MGRN1: variants seen among roughly 807,000 people sequenced by gnomAD.
The protein encoded by MGRN1 is E3 ubiquitin-protein ligase MGRN1.
A neutral mutation model predicts 69.2 loss-of-function variants in MGRN1; 29 were observed. The ratio of observed to expected loss-of-function variants is 0.42; its 90% CI spans 0.31 to 0.57. The LOEUF is 0.57. Ranked by LOEUF, MGRN1 falls within the 20% of genes least tolerant of loss-of-function variation. The probability of loss-of-function intolerance (pLI) is 0.15; values close to 1 mark genes in which losing one functional copy is unlikely to be tolerated. For synonymous variants in MGRN1, 470 were observed against 344.2 expected, an observed-to-expected ratio of 1.37 and a Z score of -4.04; for missense variants, 998 against 796.2, an observed-to-expected ratio of 1.25 and a Z score of -3.05.
chr16:4,645,024 TAAAG>T (rs2078244109), intron 1 of MGRN1, among the ~76,000 whole-genome samples: 1 of 152,078 alleles, frequency 6.6e-6, no homozygotes, highest in African/African-American at 2.4e-5. Flanking sequence ...TTTAAAAAGA[TAAAG>T]GAAAAAATTA....
intron 4 of MGRN1, among the ~76,000 whole-genome samples, chr16:4,656,155 C>T (rs940438095): frequency 1.1e-4 from 16 of 152,236 alleles, no homozygotes; most frequent in African/African-American, 3.4e-4. Flanking sequence ...AATTGGGTTC[C>T]TGCATGGAGT....
chr16:4,643,798 C>T (rs564690449), intron 1 of MGRN1, among the ~76,000 whole-genome samples: 12 of 152,070 alleles, frequency 7.9e-5, no homozygotes, highest in East Asian at 1.9e-4. Context: ...ATTACTAATA[C>T]CCAATTGATC....
At chr16:4,654,010 C>G (rs191313280) in intron 4 of MGRN1, among the ~76,000 whole-genome samples, 31 of 152,314 alleles carry the variant, frequency 2.0e-4, no homozygotes, top group African/African-American at 7.2e-4. Flanking sequence ...CCTCGGCCTC[C>G]CAAAGTGCTG....
At chr16:4,648,284 G>A (rs1045247248) in intron 1 of MGRN1, among the ~76,000 whole-genome samples, 1 of 150,340 alleles carries the variant, frequency 6.7e-6, no homozygotes, top group African/African-American at 2.5e-5. Flanking sequence ...CTCTTCCCGT[G>A]GTCACCCGGC....
chr16:4,686,619 C>T, intron 16 of MGRN1: 2 of 1,179,808 alleles, frequency 1.7e-6, no homozygotes, highest in Non-Finnish European at 2.1e-6. Flanking sequence ...ACAGACACAG[C>T]CCAGGTGCGC....
intron 16 of MGRN1, among the ~76,000 whole-genome samples, chr16:4,684,145 C>T (rs550495131): frequency 2.6e-4 from 39 of 152,384 alleles, no homozygotes; most frequent in African/African-American, 8.4e-4. Flanking sequence ...GGGCCTGGCT[C>T]TTGGGAGCGG....
In MGRN1 at chr16:4,669,431, C is replaced by CAAAAAAAAAA. The variant is rs58001283; in HGVS notation, c.726+1127_726+1136dup. Reference sequence around the variant, plus strand: ...CCTGGGTGACAGAGGAAGACTGTGTCAAAAAAAAAAAAAAAAAGCTGTGCA... The same window carrying CAAAAAAAAAA: ...CCTGGGTGACAGAGGAAGACTGTGTCAAAAAAAAAAAAAAAAAAAAAAAAAAAGCTGTGCA... On this transcript the variant is annotated intron_variant, in intron 8 of 16. Transcript: ENST00000262370. Among the ~76,000 whole-genome samples, 42 of 92,994 alleles carry CAAAAAAAAAA rather than the reference C, an allele frequency of 4.5e-4. 5 individuals carry two copies. Among genetic ancestry groups the CAAAAAAAAAA allele is most frequent in the South Asian group, 8.0e-4 (2 of 2,514 alleles). 61.0% of individuals were successfully genotyped at this position (92,994 alleles called of 152,430 possible). A position where few individuals can be genotyped will look rare whatever the true frequency, so the allele number is the denominator to read the frequency against.
At chr16:4,682,207 C>T (rs1177525056) in intron 13 of MGRN1, among the ~76,000 whole-genome samples, 1 of 152,242 alleles carries the variant, frequency 6.6e-6, no homozygotes, top group African/African-American at 2.4e-5. Flanking sequence ...CAGGCACACT[C>T]ACTGCTCTTG....
chr16:4,668,635 C>A (rs917175932), intron 8 of MGRN1, among the ~76,000 whole-genome samples: 4 of 151,668 alleles, frequency 2.6e-5, no homozygotes, highest in Non-Finnish European at 4.4e-5. Context: ...TTCAGATGCA[C>A]ACACTCAGAC....
chr16:4,673,572 C>T lies in MGRN1; in HGVS notation c.870C>T (p.Ile290=), dbSNP rs768152811. ...VCLSDLRDTL[I]LPCRHLCLCT... is the part of the protein sequence containing the mutation. ...TGTCCGACCTGCGGGACACGCTGAT[C>T]CTGCCCTGCCGCCACCTGTGCCTCT... The change falls in exon 10 of 17, where the codon ATC becomes ATT. Residue 290 remains isoleucine, a synonymous_variant. Transcript: ENST00000262370. 4.3e-6 allele frequency: 7 copies of T among 1,613,858 alleles called. No individual in the cohort carries two copies. The South Asian group carries it at 5.5e-5, about 13-fold the overall frequency.
At chr16:4,643,741 A>C (rs1295341278) in intron 1 of MGRN1, among the ~76,000 whole-genome samples, 1 of 152,190 alleles carries the variant, frequency 6.6e-6, no homozygotes, top group Middle Eastern at 3.2e-3. Flanking sequence ...TAGAATTTTA[A>C]ATAATTTTAC....
At position 4,663,391 on chromosome 16, in the gene MGRN1, T is replaced by TTTTTTTTTA. The variant is rs150893432; in HGVS notation, c.562-1318_562-1317insTTTTTTTTA. Among the ~76,000 whole-genome samples the TTTTTTTTTA allele has an allele frequency of 5.7e-5, 7 of 123,242 alleles. 1 individual carries two copies. Among genetic ancestry groups the TTTTTTTTTA allele is most frequent in the East Asian group, 2.6e-4 (1 of 3,776 alleles). 80.9% of individuals were successfully genotyped at this position (123,242 alleles called of 152,430 possible). A position where few individuals can be genotyped will look rare whatever the true frequency, so the allele number is the denominator to read the frequency against. On this transcript the variant is annotated intron_variant, in intron 5 of 16. Coordinates refer to ENST00000262370, the MANE Select transcript of MGRN1 (RefSeq NM_015246.4). ...TTTTTTTTTTTTTTTTTTTTTTTTT[T>TTTTTTTTTA]ACACCTTTATTGTGTTATAATTACC... is the stretch of plus-strand genomic sequence containing the variant.
At chr16:4,673,461 T>G in intron 9 of MGRN1, 37 bp from the exon 10 acceptor site, 1 of 1,602,806 alleles carries the variant, frequency 6.2e-7, no homozygotes, top group Non-Finnish European at 8.5e-7. Flanking sequence ...CTCTGGCCTT[T>G]GGGAGGCTGC....
At chr16:4,688,118 C>T (rs573402480) in intron 16 of MGRN1, 1 of 985,630 alleles carries the variant, frequency 1.0e-6, no homozygotes, top group Non-Finnish European at 1.2e-6. Flanking sequence ...AGAGTGGGGC[C>T]TGGGCCGTGT....
Position 4,654,489 on chromosome 16 carries a change from T to G in MGRN1, c.443+1665T>G, listed in dbSNP as rs759700265. The stretch of plus-strand genomic sequence containing the variant: ...ACTGCCTCCAGGCTACAAGGGCACA[T>G]GTGCCCCAAGTGGCTTTAGAGACAG... On this transcript the variant is annotated intron_variant, in intron 4 of 16. Coordinates refer to ENST00000262370, the MANE Select transcript of MGRN1 (RefSeq NM_015246.4). Among the ~76,000 whole-genome samples the G allele has an allele frequency of 1.1e-4, 17 of 152,268 alleles. 1 individual carries two copies. The highest frequency in any genetic ancestry group is 2.1e-4 in the Non-Finnish European group (14 of 68,042).
At chr16:4,630,090 G>A (rs1297237626) in intron 1 of MGRN1, among the ~76,000 whole-genome samples, 6 of 147,462 alleles carry the variant, frequency 4.1e-5, no homozygotes, top group African/African-American at 1.3e-4. Flanking sequence ...AGTGGCTCGC[G>A]CCTGTAATCC....
chr16:4,669,051 C>T (rs1208484761), intron 8 of MGRN1: 1 of 152,160 alleles, frequency 6.6e-6, no homozygotes, highest in Non-Finnish European at 1.5e-5. Context: ...CATATACTCA[C>T]ACACACTTAT....
intron 7 of MGRN1, 150 bp from the exon 8 acceptor site, chr16:4,668,115 G>A: frequency 1.6e-6 from 1 of 628,066 alleles, no homozygotes; most frequent in East Asian, 2.8e-5. Context: ...GCTGTCAAGT[G>A]GCCCCACCCT....
chr16:4,643,662 G>T (rs989548213), intron 1 of MGRN1, among the ~76,000 whole-genome samples: 2 of 152,084 alleles, frequency 1.3e-5, no homozygotes, highest in Non-Finnish European at 2.9e-5. Context: ...GTGAGTCACC[G>T]CGCCTGGCAA....
Sources: allele counts gnomAD v4.1 joint callset (sites outside exome capture counted in the v4.1 genomes callset), GRCh38; gene constraint gnomAD v4.1.1; transcripts MANE v1.5; gene names NCBI Gene and HGNC (gene_info 2026-07-23, HGNC 2026-07-21).